The following MAP3K15 variants were observed in gnomAD, a reference collection of about 807,000 sequenced individuals.
MAP3K15 encodes the protein mitogen-activated protein kinase kinase kinase 15.
MAP3K15 carries 124 observed loss-of-function variants against 99.5 expected under a neutral mutation model. The ratio of observed to expected loss-of-function variants is 1.25; its 90% CI spans 1.08 to 1.45. The LOEUF (loss-of-function observed/expected upper bound fraction) is 1.45, where lower values mean the gene tolerates loss of function less well. Ranked by LOEUF, MAP3K15 falls within the 40% of genes most tolerant of loss-of-function variation. The pLI is 0.00. For missense variants in MAP3K15, 1,242 were observed against 1,079.7 expected (o/e 1.15, Z -2.11); for synonymous variants, 494 against 439.6 (o/e 1.12, Z -1.55).
At chrX:19,480,593 T>C (rs1253827659) in intron 3 of MAP3K15, among the ~76,000 whole-genome samples, 2 of 100,014 alleles carry the variant, frequency 2.0e-5, no homozygotes, top group African/African-American at 7.4e-5. Flanking sequence ...GGCAGGTGGA[T>C]CACCTGAGGT....
chrX:19,409,047 G>C (rs1050720595), intron 12 of MAP3K15, among the ~76,000 whole-genome samples: 13 of 111,490 alleles, frequency 1.2e-4, no homozygotes, highest in African/African-American at 3.9e-4. Flanking sequence ...AAATTGCCTT[G>C]TATTTCCTGG....
rs188830100 is a variant in MAP3K15 at position 19,416,553 on chromosome X, G to A, written c.1440-1296C>T. 1.7e-3 allele frequency among the ~76,000 whole-genome samples: 193 copies of A among 111,584 alleles called. 1 individual carries two copies. Among genetic ancestry groups the A allele is most frequent in the Admixed American group, 8.1e-3 (85 of 10,513 alleles). On this transcript the variant is annotated intron_variant, in intron 9 of 28. Coordinates refer to ENST00000338883, the MANE Select transcript of MAP3K15 (RefSeq NM_001001671.4). ...ATACTGGAAATGCTCCCAAGAAGCC[G>A]AGAAAAGTCATGACATTACCAGAAA...
Position 19,360,762 on chromosome X carries a change from T to G in MAP3K15, c.3929A>C (p.Lys1310Thr). The change falls in exon 29 of 29, where the codon AAA (lysine) becomes ACA (threonine). Residue 1310 changes from lysine to threonine, a missense_variant. Transcript: ENST00000338883. ...AGCTGATTGGTATCAAGCCTTGTCT[T>G]TGGTTTCTGAGGCCTCCTGAGCCCT... ...YRRAQEASET[K>T]DKA 1 of 1,208,023 alleles carries G rather than the reference T, an allele frequency of 8.3e-7. No individual in the cohort carries two copies. Among genetic ancestry groups the G allele is most frequent in the African/African-American group, 1.7e-5 (1 of 57,607 alleles).
intron 8 of MAP3K15, among the ~76,000 whole-genome samples, chrX:19,425,936 T>C (rs778398032): frequency 4.1e-4 from 45 of 110,852 alleles, no homozygotes; most frequent in Admixed American, 1.2e-3. Flanking sequence ...CTGTCCACCA[T>C]GGTGAAACCC....
At chrX:19,492,095 G>C (rs960316688) in intron 1 of MAP3K15, among the ~76,000 whole-genome samples, 11 of 109,422 alleles carry the variant, frequency 1.0e-4, no homozygotes, top group African/African-American at 3.7e-4. Context: ...AGAGTGCTAG[G>C]ATTACAGCTG....
chrX:19,406,413 G>A (rs1370399468), intron 13 of MAP3K15, among the ~76,000 whole-genome samples: 4 of 112,355 alleles, frequency 3.6e-5, no homozygotes, highest in Admixed American at 2.8e-4. Context: ...GTACTGATAC[G>A]TGTTACACAT....
rs747620273 is a variant in MAP3K15, at chrX:19,369,076, C to T, written c.3544G>A (p.Glu1182Lys). The T allele has an allele frequency of 1.8e-5, 22 of 1,204,752 alleles. No homozygotes were observed. In the Admixed American group the frequency reaches 2.4e-4, roughly 13 times the overall value. ...HQQHLSLQLG[E>K]LRQETNRLLE... ...CACCTGTTGGTCTCCTGTCTGAGCTCACCCAGCTGGAGGCTCAGGTGCTGC... is the reference window on the plus strand; with the variant it reads ...CACCTGTTGGTCTCCTGTCTGAGCTTACCCAGCTGGAGGCTCAGGTGCTGC... The change falls in exon 25 of 29, where the codon GAG becomes AAG. Residue 1182 changes from glutamate to lysine, a missense_variant. Coordinates refer to ENST00000338883, the MANE Select transcript of MAP3K15 (RefSeq NM_001001671.4).
intron 10 of MAP3K15, among the ~76,000 whole-genome samples, chrX:19,413,886 A>C (rs2063710769): frequency 9.2e-6 from 1 of 108,823 alleles, no homozygotes; most frequent in Non-Finnish European, 1.9e-5. Flanking sequence ...AGGCCAAAGG[A>C]AGAAAATCGG....
rs746986926 is a variant in MAP3K15, at chrX:19,445,222, C to T, written c.995+11691G>A. Among the ~76,000 whole-genome samples the T allele has an allele frequency of 3.2e-3, 358 of 110,351 alleles. 3 individuals are homozygous for T. Among genetic ancestry groups the T allele is most frequent in the African/African-American group, 0.011 (336 of 30,329 alleles). ...CAAATAAACTATCTGCCCCCAAATTCGTATCTCAGGGGCTGTTTTGGGGTG... is the reference window on the plus strand; with the variant it reads ...CAAATAAACTATCTGCCCCCAAATTTGTATCTCAGGGGCTGTTTTGGGGTG... On this transcript the variant is annotated intron_variant, in intron 6 of 28. Transcript: ENST00000338883.
In MAP3K15 at chrX:19,370,586, G is replaced by A. The variant is rs191789141; in HGVS notation, c.3400+373C>T. Among the ~76,000 whole-genome samples, 28 of 109,839 alleles carry A rather than the reference G, an allele frequency of 2.5e-4. No individual in the cohort carries two copies. In the East Asian group the frequency reaches 7.2e-3, roughly 28 times the overall value. Reference sequence around the variant, plus strand: ...AATTTTTTGTATTTTTAGTAGAGACGGGGTTTCACTATGTTGGCCAGCCTG... The same window carrying A: ...AATTTTTTGTATTTTTAGTAGAGACAGGGTTTCACTATGTTGGCCAGCCTG... On this transcript the variant is annotated intron_variant, in intron 24 of 28. Transcript: ENST00000338883.
intron 9 of MAP3K15, among the ~76,000 whole-genome samples, chrX:19,418,656 G>C (rs1234821437): frequency 9.0e-6 from 1 of 111,130 alleles, no homozygotes; most frequent in Non-Finnish European, 1.9e-5. Context: ...TAGCAAGGCA[G>C]GCCAACATTC....
intron 2 of MAP3K15, among the ~76,000 whole-genome samples, chrX:19,488,207 C>T (rs111236009): frequency 7.9e-4 from 89 of 112,072 alleles, no homozygotes; most frequent in African/African-American, 2.8e-3. Context: ...TATACAAATG[C>T]AAGCATTTTT....
At chrX:19,387,337 C>A (rs2063499892) in intron 18 of MAP3K15, among the ~76,000 whole-genome samples, 1 of 111,668 alleles carries the variant, frequency 9.0e-6, no homozygotes, top group South Asian at 3.8e-4. Flanking sequence ...AGATGGGGGA[C>A]CCTATTACAG....
At position 19,384,033 on chromosome X, in the gene MAP3K15, C is replaced by T. The variant is rs761479182; in HGVS notation, c.2432-3756G>A. 9.8e-5 allele frequency among the ~76,000 whole-genome samples: 11 copies of T among 111,963 alleles called. 1 individual carries two copies. The highest frequency in any genetic ancestry group is 1.9e-4 in the Admixed American group (2 of 10,524). On this transcript the variant is annotated intron_variant, in intron 18 of 28. Transcript: ENST00000338883. ...TCAGTATATCAAAGAGATATCTGCACCCGCATGTTTGTTGAAGCACAGTTC... is the reference window on the plus strand; with the variant it reads ...TCAGTATATCAAAGAGATATCTGCATCCGCATGTTTGTTGAAGCACAGTTC...
At chrX:19,391,197 C>A (rs2063524844) in intron 18 of MAP3K15, among the ~76,000 whole-genome samples, 1 of 111,946 alleles carries the variant, frequency 8.9e-6, no homozygotes, top group South Asian at 3.7e-4. Flanking sequence ...ACAATCATAT[C>A]AAAACACAAG....
chrX:19,420,687 G>T (rs796878279), intron 9 of MAP3K15, among the ~76,000 whole-genome samples: 1 of 111,527 alleles, frequency 9.0e-6, no homozygotes, highest in Admixed American at 9.6e-5. Flanking sequence ...ATTTTATGAG[G>T]CCAGCATCAT....
intron 1 of MAP3K15, among the ~76,000 whole-genome samples, chrX:19,512,643 T>C (rs1455029761): frequency 2.0e-5 from 1 of 49,534 alleles, no homozygotes; most frequent in Admixed American, 1.8e-4. Flanking sequence ...CACATCCTGC[T>C]TTTTTTTTTT....
At chrX:19,371,673 T>A in intron 22 of MAP3K15, 143 bp from the exon 23 acceptor site, 1 of 518,832 alleles carries the variant, frequency 1.9e-6, no homozygotes. Context: ...GTTCCCTCCA[T>A]AACCTTCCTG....
At chrX:19,440,028 C>T (rs1035652123) in intron 6 of MAP3K15, among the ~76,000 whole-genome samples, 1 of 111,188 alleles carries the variant, frequency 9.0e-6, no homozygotes, top group Non-Finnish European at 1.9e-5. Context: ...AGCGCAGTTT[C>T]TTCTCCCACT....
Sources: gnomAD v4.1 joint callset for allele counts (sites outside exome capture counted in the v4.1 genomes callset) on GRCh38, gnomAD v4.1.1 for gene constraint, MANE v1.5 for transcripts, NCBI Gene and HGNC (gene_info 2026-07-23, HGNC 2026-07-21) for gene names.